The following TEAD1 variants were observed in gnomAD, a reference collection of about 807,000 sequenced individuals.
The protein encoded by TEAD1 is transcriptional enhancer factor TEF-1.
Under a neutral mutation model 54.9 loss-of-function variants are expected in TEAD1, and 9 were observed. The ratio of observed to expected loss-of-function variants is 0.16; its 90% CI spans 0.10 to 0.29. The LOEUF is 0.29. Among genes scored for constraint, TEAD1 ranks in the 10% least tolerant of loss-of-function variants. The probability of loss-of-function intolerance (pLI) is 1.00; values close to 1 mark genes in which losing one functional copy is unlikely to be tolerated. For synonymous variants in TEAD1, 200 were observed against 187.8 expected, an observed-to-expected ratio of 1.07 and a Z score of -0.53; for missense variants, 387 against 535.9, an observed-to-expected ratio of 0.72 and a Z score of 2.74.
intron 3 of TEAD1, among the ~76,000 whole-genome samples, chr11:12,827,472 T>C (rs1356539629): frequency 6.6e-6 from 1 of 152,206 alleles, no homozygotes; most frequent in East Asian, 1.9e-4. Flanking sequence ...TTGGTGTGGA[T>C]GAGAACACTT....
At chr11:12,837,676 C>CTTT (rs1946923271) in intron 3 of TEAD1, among the ~76,000 whole-genome samples, 1 of 21,204 alleles carries the variant, frequency 4.7e-5, no homozygotes, top group East Asian at 2.2e-3. Flanking sequence ...CTTCCTTCTT[C>CTTT]CTTCTTTCTC....
chr11:12,791,470 A>G (rs1350513957), intron 3 of TEAD1, among the ~76,000 whole-genome samples: 5 of 152,228 alleles, frequency 3.3e-5, no homozygotes, highest in African/African-American at 1.2e-4. Context: ...TCTAGAATGC[A>G]CTGATAAGGG....
chr11:12,824,448 G>C (rs1030957361), intron 3 of TEAD1, among the ~76,000 whole-genome samples: 7 of 152,172 alleles, frequency 4.6e-5, no homozygotes, highest in Admixed American at 3.9e-4. Flanking sequence ...GCCTCTTGCT[G>C]GGGAATCTAA....
intron 2 of TEAD1, among the ~76,000 whole-genome samples, chr11:12,740,715 G>A (rs551361748): frequency 3.9e-5 from 6 of 152,194 alleles, no homozygotes; most frequent in Admixed American, 2.0e-4. Flanking sequence ...CAGCATGAGG[G>A]TAACTGCCCC....
intron 10 of TEAD1, among the ~76,000 whole-genome samples, chr11:12,911,290 C>T (rs1400938130): frequency 1.3e-5 from 2 of 152,150 alleles, no homozygotes; most frequent in Non-Finnish European, 2.9e-5. Flanking sequence ...CGCACAATAA[C>T]CCAGCAGAAC....
At chr11:12,760,313 A>G (rs1274031639) in intron 2 of TEAD1, among the ~76,000 whole-genome samples, 1 of 152,204 alleles carries the variant, frequency 6.6e-6, no homozygotes, top group Admixed American at 6.5e-5. Flanking sequence ...CTGTATTGGG[A>G]TGAAATTTAA....
intron 2 of TEAD1, among the ~76,000 whole-genome samples, chr11:12,743,145 T>C (rs950627755): frequency 5.3e-5 from 8 of 152,200 alleles, no homozygotes; most frequent in Non-Finnish European, 4.4e-5. Flanking sequence ...TTAGAAGAAA[T>C]GAAACTCTGA....
chr11:12,899,753 CTCTT>C (rs1948388534), intron 9 of TEAD1, among the ~76,000 whole-genome samples: 1 of 152,220 alleles, frequency 6.6e-6, no homozygotes. Flanking sequence ...ATAGGGTTCT[CTCTT>C]TCACCTCACC....
At chr11:12,711,902 C>G (rs1943946346) in intron 2 of TEAD1, among the ~76,000 whole-genome samples, 1 of 152,182 alleles carries the variant, frequency 6.6e-6, no homozygotes. Context: ...TAGGCTGTAT[C>G]AAGCTTCCTG....
intron 2 of TEAD1, among the ~76,000 whole-genome samples, chr11:12,694,679 T>C (rs982929242): frequency 1.3e-5 from 2 of 152,240 alleles, no homozygotes; most frequent in African/African-American, 4.8e-5. Context: ...TATGAGCTTT[T>C]TCAATCTTGA....
At position 12,878,932 on chromosome 11, in the gene TEAD1, A is replaced by G. The variant is rs1458752028; in HGVS notation, c.331-776A>G. On this transcript the variant is annotated intron_variant, in intron 5 of 12. Coordinates refer to ENST00000527636, the MANE Select transcript of TEAD1 (RefSeq NM_021961.6). ...ATTTTCACCAAACTGAGTATTCTGT[A>G]TTTTAGCTGTGCTTGGCAGACTTTT... is the stretch of plus-strand genomic sequence containing the variant. The G allele has an allele frequency of 2.3e-6, 3 of 1,283,348 alleles. No homozygotes were observed. In the South Asian group the frequency reaches 3.7e-5, roughly 16 times the overall value. The allele number at this position is 1,283,348 out of a possible 1,614,324, so 79.5% of individuals were successfully genotyped here.
intron 2 of TEAD1, among the ~76,000 whole-genome samples, chr11:12,714,755 C>G (rs527526660): frequency 1.3e-5 from 2 of 152,104 alleles, no homozygotes; most frequent in African/African-American, 4.8e-5. Context: ...TGATTTCTTC[C>G]GAGGCCCCTC....
chr11:12,926,978 G>C (rs1156774860), intron 11 of TEAD1, among the ~76,000 whole-genome samples: 7 of 152,184 alleles, frequency 4.6e-5, no homozygotes, highest in Non-Finnish European at 1.0e-4. Flanking sequence ...AGTTGTCAGG[G>C]ATGTTCTCTG....
intron 2 of TEAD1, among the ~76,000 whole-genome samples, chr11:12,700,943 G>A (rs894245338): frequency 1.3e-4 from 20 of 152,176 alleles, no homozygotes; most frequent in Admixed American, 4.6e-4. Context: ...GATGGTCGGT[G>A]AGAGAGATTA....
At chr11:12,737,342 A>AG (rs1428928532) in intron 2 of TEAD1, among the ~76,000 whole-genome samples, 2 of 151,818 alleles carry the variant, frequency 1.3e-5, no homozygotes, top group Admixed American at 1.3e-4. Context: ...AAAAAAAAAA[A>AG]GTAATCATCT....
intron 3 of TEAD1, among the ~76,000 whole-genome samples, chr11:12,853,986 T>C (rs1156414144): frequency 6.6e-6 from 1 of 152,180 alleles, no homozygotes; most frequent in Non-Finnish European, 1.5e-5. Context: ...ACATATTATC[T>C]CCAGGGATTG....
chr11:12,849,039 T>G (rs1947214261), intron 3 of TEAD1: 1 of 152,118 alleles, frequency 6.6e-6, no homozygotes, highest in Non-Finnish European at 1.5e-5. Context: ...CCAACTTTCT[T>G]GCTTTTTTTT....
chr11:12,737,328 CAA>C (rs5789738), intron 2 of TEAD1, among the ~76,000 whole-genome samples: 5 of 131,878 alleles, frequency 3.8e-5, no homozygotes, highest in Admixed American at 7.6e-5. Flanking sequence ...AAAGACTAAG[CAA>C]AAAAAAAAAA....
chr11:12,806,987 A>G (rs1946186262), intron 3 of TEAD1, among the ~76,000 whole-genome samples: 1 of 152,244 alleles, frequency 6.6e-6, no homozygotes, highest in African/African-American at 2.4e-5. Context: ...GGATGCAATA[A>G]GAATCAAATG....
Sources: gnomAD v4.1 joint callset for allele counts (sites outside exome capture counted in the v4.1 genomes callset) on GRCh38, gnomAD v4.1.1 for gene constraint, MANE v1.5 for transcripts, NCBI Gene and HGNC (gene_info 2026-07-23, HGNC 2026-07-21) for gene names.